The following CNKSR2 variants were observed in gnomAD, a reference collection of about 807,000 sequenced individuals.
The protein encoded by CNKSR2 is connector enhancer of kinase suppressor of Ras 2.
Under a neutral mutation model 84.4 loss-of-function variants are expected in CNKSR2, and 14 were observed. The ratio of observed to expected loss-of-function variants is 0.17; its 90% CI spans 0.11 to 0.26. CNKSR2 has a LOEUF of 0.26. CNKSR2 is among the 10% of genes least tolerant of loss of function. The probability of loss-of-function intolerance (pLI) is 1.00; values close to 1 mark genes in which losing one functional copy is unlikely to be tolerated. For missense variants in CNKSR2, 485 were observed against 771.2 expected, an observed-to-expected ratio of 0.63 and a Z score of 4.40; for synonymous variants, 275 against 277.9, an observed-to-expected ratio of 0.99 and a Z score of 0.10.
chrX:21,537,657 T>G (rs1379517698), intron 11 of CNKSR2, among the ~76,000 whole-genome samples: 1 of 111,431 alleles, frequency 9.0e-6, no homozygotes, highest in African/African-American at 3.3e-5. Flanking sequence ...TTATTTTATC[T>G]AAGTATACCT....
chrX:21,603,943 T>G (rs1034087393), intron 18 of CNKSR2, among the ~76,000 whole-genome samples: 1 of 112,012 alleles, frequency 8.9e-6, no homozygotes, highest in East Asian at 2.8e-4. Context: ...TCATGATTGC[T>G]TATAAAATTG....
At chrX:21,449,145 A>G (rs750362327) in intron 4 of CNKSR2, among the ~76,000 whole-genome samples, 4 of 109,864 alleles carry the variant, frequency 3.6e-5, no homozygotes, top group Non-Finnish European at 5.7e-5. Context: ...CTCTACTAAA[A>G]TTACAAAAAT....
chrX:21,555,873 T>C (rs1394958477), intron 11 of CNKSR2, among the ~76,000 whole-genome samples: 1 of 110,821 alleles, frequency 9.0e-6, no homozygotes, highest in Non-Finnish European at 1.9e-5. Flanking sequence ...TAGCGTGCTT[T>C]TAGAGAGTTT....
At chrX:21,401,674 C>T (rs2090193370) in intron 1 of CNKSR2, among the ~76,000 whole-genome samples, 1 of 111,972 alleles carries the variant, frequency 8.9e-6, no homozygotes, top group Non-Finnish European at 1.9e-5. Context: ...TTTTAAGAAT[C>T]GGTCAGAGCA....
At chrX:21,410,918 A>T (rs1601752194) in intron 1 of CNKSR2, among the ~76,000 whole-genome samples, 1 of 108,669 alleles carries the variant, frequency 9.2e-6, no homozygotes, top group African/African-American at 3.3e-5. Flanking sequence ...GTGTGTGTGG[A>T]TTTGAAATGA....
At chrX:21,398,227 TAA>T in intron 1 of CNKSR2, among the ~76,000 whole-genome samples, 1 of 112,205 alleles carries the variant, frequency 8.9e-6, no homozygotes, top group South Asian at 3.7e-4. Flanking sequence ...TTTTAATAAC[TAA>T]AAGTATTTAA....
intron 4 of CNKSR2, among the ~76,000 whole-genome samples, chrX:21,465,410 AAG>A (rs1387321957): frequency 9.0e-6 from 1 of 111,475 alleles, no homozygotes; most frequent in Non-Finnish European, 1.9e-5. Flanking sequence ...GGAGAAAAAA[AAG>A]GAAAGGAAAA....
chrX:21,513,071 G>A (rs1360794946), intron 8 of CNKSR2, among the ~76,000 whole-genome samples: 1 of 112,154 alleles, frequency 8.9e-6, no homozygotes, highest in African/African-American at 3.2e-5. Flanking sequence ...CTAGCACAGT[G>A]AATTGTTGAT....
intron 11 of CNKSR2, among the ~76,000 whole-genome samples, chrX:21,533,290 A>C (rs2091900901): frequency 9.1e-6 from 1 of 109,839 alleles, no homozygotes; most frequent in Non-Finnish European, 1.9e-5. Context: ...GAGGCCTGTA[A>C]TCTTTGCTAT....
At chrX:21,598,105 A>G (rs985685078) in intron 17 of CNKSR2, among the ~76,000 whole-genome samples, 9 of 109,924 alleles carry the variant, frequency 8.2e-5, no homozygotes, top group African/African-American at 3.0e-4. Flanking sequence ...ATCACCTTCT[A>G]TTTTGAGAAG....
intron 13 of CNKSR2, 117 bp from the exon 14 acceptor site, chrX:21,590,455 T>C: frequency 1.8e-6 from 1 of 562,463 alleles, no homozygotes; most frequent in Non-Finnish European, 2.7e-6. Context: ...GGGAAAAAGT[T>C]CTTCCCCTAA....
At chrX:21,614,477 G>A (rs956081629) in intron 20 of CNKSR2, among the ~76,000 whole-genome samples, 7 of 111,276 alleles carry the variant, frequency 6.3e-5, no homozygotes, top group African/African-American at 2.3e-4. Context: ...ACAGTGTGAA[G>A]AAAAAGACAT....
intron 4 of CNKSR2, among the ~76,000 whole-genome samples, chrX:21,450,880 A>G: frequency 8.9e-6 from 1 of 112,004 alleles, no homozygotes; most frequent in African/African-American, 3.2e-5. Flanking sequence ...AGGCTCAACT[A>G]TTTTTGTTAA....
chrX:21,394,450 G>A lies in CNKSR2; in HGVS notation c.64+19489G>A, dbSNP rs2090093663. 2.7e-5 allele frequency among the ~76,000 whole-genome samples: 3 copies of A among 111,523 alleles called. No homozygotes were observed. In the Admixed American group the frequency reaches 2.9e-4, roughly 11 times the overall value. On this transcript the variant is annotated intron_variant, in intron 1 of 21. Coordinates refer to ENST00000379510, the MANE Select transcript of CNKSR2 (RefSeq NM_014927.5). Reference sequence around the variant, plus strand: ...CACTTCTTTTTCTAACAGCTGTATTGGAGTGTTTCTCTTCGAGTCAATGTT... The same window carrying A: ...CACTTCTTTTTCTAACAGCTGTATTAGAGTGTTTCTCTTCGAGTCAATGTT...
At chrX:21,445,794 C>T (rs757498378) in intron 4 of CNKSR2, among the ~76,000 whole-genome samples, 1 of 112,003 alleles carries the variant, frequency 8.9e-6, no homozygotes, top group African/African-American at 3.2e-5. Context: ...CTTTTTATGG[C>T]TGAATAGTAT....
At chrX:21,426,874 A>G (rs1189807432) in intron 2 of CNKSR2, 6 of 411,099 alleles carry the variant, frequency 1.5e-5, no homozygotes, top group Non-Finnish European at 2.4e-5. Flanking sequence ...TTATAACAGT[A>G]AGACTTGGGT....
intron 6 of CNKSR2, chrX:21,491,729 A>G (rs2091444483): frequency 8.9e-6 from 1 of 112,221 alleles, no homozygotes; most frequent in East Asian, 2.8e-4. Flanking sequence ...AATGTTGATT[A>G]CATTTAGAAC....
intron 9 of CNKSR2, among the ~76,000 whole-genome samples, chrX:21,516,891 T>C (rs936727762): frequency 9.0e-6 from 1 of 111,632 alleles, no homozygotes; most frequent in Non-Finnish European, 1.9e-5. Flanking sequence ...TGTCACAATT[T>C]ATTTCATGCC....
intron 1 of CNKSR2, among the ~76,000 whole-genome samples, chrX:21,389,512 C>T (rs2090018612): frequency 1.8e-5 from 2 of 111,554 alleles, no homozygotes; most frequent in Non-Finnish European, 3.8e-5. Flanking sequence ...TTTGGTAATA[C>T]CAAAAGATAA....
Sources: gnomAD v4.1 joint callset for allele counts (sites outside exome capture counted in the v4.1 genomes callset) on GRCh38, gnomAD v4.1.1 for gene constraint, MANE v1.5 for transcripts, NCBI Gene and HGNC (gene_info 2026-07-23, HGNC 2026-07-21) for gene names.